The following RAMP3 variants were observed in gnomAD, a reference collection of about 807,000 sequenced individuals.
RAMP3 encodes receptor activity-modifying protein 3.
Under a neutral mutation model 13.5 loss-of-function variants are expected in RAMP3, and 14 were observed. The ratio of observed to expected loss-of-function variants is 1.04; its 90% CI spans 0.69 to 1.63. The LOEUF (loss-of-function observed/expected upper bound fraction) is 1.63, where lower values mean the gene tolerates loss of function less well. RAMP3 is among the 40% of genes most tolerant of loss of function. RAMP3 has a pLI of 0.00. For synonymous variants in RAMP3, 106 were observed against 88.3 expected (o/e 1.20, Z -1.12); for missense variants, 200 against 204.8 (o/e 0.98, Z 0.14).
At chr7:45,173,540 C>T (rs995689881) in intron 1 of RAMP3, among the ~76,000 whole-genome samples, 3 of 152,296 alleles carry the variant, frequency 2.0e-5, no homozygotes, top group Admixed American at 2.0e-4. Context: ...TGGGCTTCTC[C>T]CTATGAAGGT....
chr7:45,166,607 G>A (rs1359341865), intron 1 of RAMP3, among the ~76,000 whole-genome samples: 1 of 151,946 alleles, frequency 6.6e-6, no homozygotes, highest in East Asian at 1.9e-4. Context: ...CATTCAGTGG[G>A]TTGTCTTTTC....
chr7:45,176,937 C>T (rs1343025474), intron 1 of RAMP3, among the ~76,000 whole-genome samples: 2 of 152,226 alleles, frequency 1.3e-5, no homozygotes, highest in Admixed American at 1.3e-4. Flanking sequence ...AGGATGTTCC[C>T]AGGCCCCTGG....
rs1562571585 is a variant in RAMP3, at chr7:45,179,042, C to T, written c.191+1601C>T. 3.3e-5 allele frequency among the ~76,000 whole-genome samples: 5 copies of T among 152,202 alleles called. No individual in the cohort carries two copies. The South Asian group carries it at 1.0e-3, about 32-fold the overall frequency. On this transcript the variant is annotated intron_variant, in intron 2 of 2. Coordinates refer to ENST00000242249, the MANE Select transcript of RAMP3 (RefSeq NM_005856.3). ...GAAGCAGTGAGGTGTCCAGAGCCCT[C>T]CTCCACCCCAGCTGGACACTGGAGG...
Position 45,177,347 on chromosome 7 carries a change from A to G in RAMP3, c.97A>G (p.Met33Val), listed in dbSNP as rs11550711. 4.3e-6 allele frequency: 7 copies of G among 1,614,142 alleles called. No homozygotes were observed. The Admixed American group carries it at 1.2e-4, about 27-fold the overall frequency. The change falls in exon 2 of 3, where the codon ATG becomes GTG. Residue 33 changes from methionine to valine, a missense_variant. Coordinates refer to ENST00000242249, the MANE Select transcript of RAMP3 (RefSeq NM_005856.3). Reference sequence around the variant, plus strand: ...AGCAGGCGGCTGCAACGAGACAGGCATGTTGGAGAGGCTGCCCCTGTGTGG... The same window carrying G: ...AGCAGGCGGCTGCAACGAGACAGGCGTGTTGGAGAGGCTGCCCCTGTGTGG... ...PRAGGCNETG[M>V]LERLPLCGKA...
intron 1 of RAMP3, among the ~76,000 whole-genome samples, chr7:45,168,458 G>A (rs568440210): frequency 2.0e-5 from 3 of 146,608 alleles, no homozygotes; most frequent in East Asian, 3.9e-4. Flanking sequence ...TATACTTTTC[G>A]GAGTACAAGT....
chr7:45,161,734 C>A (rs1467085199), intron 1 of RAMP3, among the ~76,000 whole-genome samples: 1 of 150,730 alleles, frequency 6.6e-6, no homozygotes, highest in East Asian at 2.0e-4. Flanking sequence ...TCTCGGTGGC[C>A]TGATAGGTGA....
chr7:45,161,084 C>T (rs574447242), intron 1 of RAMP3, among the ~76,000 whole-genome samples: 3 of 152,366 alleles, frequency 2.0e-5, no homozygotes, highest in Non-Finnish European at 2.9e-5. Context: ...TCCCAGAACA[C>T]CTGCCTGAGG....
At chr7:45,177,638 C>T (rs1222548900) in intron 2 of RAMP3, among the ~76,000 whole-genome samples, 197 bp downstream of exon 2, 2 of 152,136 alleles carry the variant, frequency 1.3e-5, no homozygotes, top group African/African-American at 4.8e-5. Flanking sequence ...CTCCTATTCA[C>T]ACTCTGCTCT....
At position 45,177,359 on chromosome 7, in the gene RAMP3, C is replaced by G; in HGVS notation, c.109C>G (p.Leu37Val). The change falls in exon 2 of 3, where the codon CTG (leucine) becomes GTG (valine). Residue 37 changes from leucine (L) to valine (V), a missense_variant. By Grantham distance (32) the Leu-to-Val change is conservative. Coordinates refer to ENST00000242249, the MANE Select transcript of RAMP3 (RefSeq NM_005856.3). Reference sequence around the variant, plus strand: ...CAACGAGACAGGCATGTTGGAGAGGCTGCCCCTGTGTGGGAAGGCTTTCGC... The same window carrying G: ...CAACGAGACAGGCATGTTGGAGAGGGTGCCCCTGTGTGGGAAGGCTTTCGC... Reference protein sequence around the residue: ...GCNETGMLERLPLCGKAFADM... With the variant: ...GCNETGMLERVPLCGKAFADM... The G allele has an allele frequency of 1.9e-6, 3 of 1,614,182 alleles. No individual in the cohort carries two copies. Among genetic ancestry groups the G allele is most frequent in the Non-Finnish European group, 2.5e-6 (3 of 1,179,990 alleles).
At chr7:45,178,007 TG>T (rs1308271887) in intron 2 of RAMP3, among the ~76,000 whole-genome samples, 1 of 151,286 alleles carries the variant, frequency 6.6e-6, no homozygotes, top group Non-Finnish European at 1.5e-5. Flanking sequence ...TGGCCTGGCC[TG>T]GGGGGTGCAC....
intron 1 of RAMP3, among the ~76,000 whole-genome samples, chr7:45,171,347 G>C (rs536989316): frequency 4.7e-4 from 72 of 151,992 alleles, no homozygotes; most frequent in African/African-American, 1.7e-3. Context: ...GTAGAGATGG[G>C]GTTTTGCCAT....
chr7:45,183,072 C>A, intron 2 of RAMP3, 85 bp from the exon 3 acceptor site: 7 of 1,563,188 alleles, frequency 4.5e-6, no homozygotes, highest in Non-Finnish European at 6.1e-6. Context: ...ACCCAAGCCA[C>A]CCCACCCATC....
intron 1 of RAMP3, among the ~76,000 whole-genome samples, chr7:45,170,100 T>C (rs998694844): frequency 3.3e-5 from 5 of 152,068 alleles, no homozygotes; most frequent in African/African-American, 1.2e-4. Flanking sequence ...CTCTCTTTTC[T>C]TCCTGGTAAG....
chr7:45,167,626 C>T (rs1160614875), intron 1 of RAMP3, among the ~76,000 whole-genome samples: 1 of 150,534 alleles, frequency 6.6e-6, no homozygotes, highest in African/African-American at 2.5e-5. Flanking sequence ...TGCAATGGCG[C>T]GATCTCGGCT....
chr7:45,158,632 G>C (rs1785808303), intron 1 of RAMP3, among the ~76,000 whole-genome samples: 1 of 152,102 alleles, frequency 6.6e-6, no homozygotes, highest in South Asian at 2.1e-4. Context: ...CTGAGGGCTG[G>C]GGTCCACTGA....
chr7:45,162,068 G>A (rs370607860), intron 1 of RAMP3, among the ~76,000 whole-genome samples: 3 of 152,220 alleles, frequency 2.0e-5, no homozygotes, highest in African/African-American at 7.2e-5. Flanking sequence ...CTTAGTCCTC[G>A]TGTGACTCCA....
chr7:45,160,523 C>A (rs1785844863), intron 1 of RAMP3, among the ~76,000 whole-genome samples: 2 of 151,838 alleles, frequency 1.3e-5, no homozygotes, highest in South Asian at 4.2e-4. Context: ...CCACAGAGAC[C>A]AGGGGCAGAA....
intron 1 of RAMP3, among the ~76,000 whole-genome samples, chr7:45,170,575 G>A (rs1786060415): frequency 6.6e-6 from 1 of 151,904 alleles, no homozygotes; most frequent in Admixed American, 6.6e-5. Context: ...CTGACCTCAT[G>A]ATCTGCTCGC....
intron 1 of RAMP3, among the ~76,000 whole-genome samples, chr7:45,176,481 G>T (rs17229450): frequency 0.015 from 2,309 of 152,086 alleles, 25 homozygotes; most frequent in Middle Eastern, 0.037. Context: ...TATGCCTGGG[G>T]TCTCTCTTGA....
Sources: allele counts gnomAD v4.1 joint callset (sites outside exome capture counted in the v4.1 genomes callset), GRCh38; gene constraint gnomAD v4.1.1; transcripts MANE v1.5; gene names NCBI Gene and HGNC (gene_info 2026-07-23, HGNC 2026-07-21).